The following XKR4 variants were observed in gnomAD, a reference collection of about 807,000 sequenced individuals.
The protein encoded by XKR4 is XK-related protein 4.
XKR4 carries 12 observed loss-of-function variants against 53.9 expected under a neutral mutation model. That is an observed-to-expected ratio of 0.22 (90% CI 0.14 to 0.36). XKR4 has a LOEUF of 0.36. Ranked by LOEUF, XKR4 falls within the 10% of genes least tolerant of loss-of-function variation. XKR4 has a pLI of 1.00. For missense variants in XKR4, 799 were observed against 859.5 expected (o/e 0.93, Z 0.88); for synonymous variants, 354 against 362.4 (o/e 0.98, Z 0.26).
chr8:55,419,237 T>C (rs192695106), intron 2 of XKR4, among the ~76,000 whole-genome samples: 1 of 152,116 alleles, frequency 6.6e-6, no homozygotes, highest in Non-Finnish European at 1.5e-5. Context: ...ATACAAAAAA[T>C]TAGCCGGAGT....
chr8:55,308,509 A>G (rs1166184227), intron 1 of XKR4, among the ~76,000 whole-genome samples: 1 of 152,142 alleles, frequency 6.6e-6, no homozygotes, highest in East Asian at 1.9e-4. Flanking sequence ...AGCATGGGGG[A>G]AACTGCCCCC....
At chr8:55,445,430 T>C (rs1805333675) in intron 2 of XKR4, among the ~76,000 whole-genome samples, 1 of 152,212 alleles carries the variant, frequency 6.6e-6, no homozygotes, top group Non-Finnish European at 1.5e-5. Flanking sequence ...CTTTGATTAT[T>C]TTATATGTAT....
intron 1 of XKR4, among the ~76,000 whole-genome samples, chr8:55,192,699 C>T (rs2129361170): frequency 6.6e-6 from 1 of 152,256 alleles, no homozygotes; most frequent in South Asian, 2.1e-4. Context: ...AGTGATTCCT[C>T]TGTCCATCTT....
At chr8:55,325,057 A>G (rs994030601) in intron 1 of XKR4, among the ~76,000 whole-genome samples, 1 of 152,248 alleles carries the variant, frequency 6.6e-6, no homozygotes, top group Non-Finnish European at 1.5e-5. Flanking sequence ...CTTTCAAAAG[A>G]TGGACCATGT....
chr8:55,473,856 G>A (rs185740058), intron 2 of XKR4, among the ~76,000 whole-genome samples: 3 of 145,680 alleles, frequency 2.1e-5, no homozygotes, highest in African/African-American at 5.1e-5. Flanking sequence ...CTTCCTTCCT[G>A]TCTCTCTCCC....
At chr8:55,481,326 G>A (rs957305242) in intron 2 of XKR4, among the ~76,000 whole-genome samples, 1 of 152,034 alleles carries the variant, frequency 6.6e-6, no homozygotes, top group African/African-American at 2.4e-5. Context: ...ATGGTGCTGG[G>A]AAAACTGGCT....
intron 1 of XKR4, among the ~76,000 whole-genome samples, chr8:55,312,310 T>A (rs112806715): frequency 3.9e-5 from 6 of 152,282 alleles, no homozygotes; most frequent in African/African-American, 1.4e-4. Flanking sequence ...ATAACAAAAA[T>A]TCATAGTTGC....
chr8:55,453,104 T>C (rs965964391), intron 2 of XKR4: 7 of 548,544 alleles, frequency 1.3e-5, no homozygotes, highest in Non-Finnish European at 2.2e-5. Flanking sequence ...AGGACCCAGA[T>C]ATGAGTCTGC....
chr8:55,131,163 A>AAACAACAACAAC (rs56967446), intron 1 of XKR4, among the ~76,000 whole-genome samples: 3,987 of 150,258 alleles, frequency 0.027, 79 homozygotes, highest in Non-Finnish European at 0.04. Context: ...GCTGTCTCAA[A>AAACAACAACAAC]AACAACAACA....
intron 1 of XKR4, among the ~76,000 whole-genome samples, chr8:55,202,190 TA>T (rs1817584646): frequency 6.6e-6 from 1 of 152,172 alleles, no homozygotes; most frequent in African/African-American, 2.4e-5. Context: ...ACCTGCCTTT[TA>T]AAAGTTGGTG....
chr8:55,368,687 A>G (rs1260937251), intron 2 of XKR4, among the ~76,000 whole-genome samples: 2 of 152,078 alleles, frequency 1.3e-5, no homozygotes, highest in Admixed American at 6.5e-5. Context: ...CATCACCTTT[A>G]CTAGAGTGTG....
chr8:55,105,363 C>T lies in XKR4; in HGVS notation c.806+2069C>T, dbSNP rs562206876. Among the ~76,000 whole-genome samples, 4 of 86,682 alleles carry T rather than the reference C, an allele frequency of 4.6e-5. No homozygotes were observed. In the South Asian group the frequency reaches 1.2e-3, roughly 26 times the overall value. The allele number at this position is 86,682 out of a possible 152,430, so 56.9% of individuals were successfully genotyped here. ...TTATTTCAGAGGTAGGGAGTGGGGG[C>T]GGGGAGAGAAGGGATGGAAGGGTAA... On this transcript the variant is annotated intron_variant, in intron 1 of 2. Transcript: ENST00000327381.
At chr8:55,125,260 C>A (rs569526453) in intron 1 of XKR4, among the ~76,000 whole-genome samples, 2 of 152,010 alleles carry the variant, frequency 1.3e-5, no homozygotes, top group Admixed American at 1.3e-4. Flanking sequence ...GATGGAGTTT[C>A]GCCCTTGTCA....
At chr8:55,326,426 T>C (rs1035103462) in intron 1 of XKR4, among the ~76,000 whole-genome samples, 1 of 151,700 alleles carries the variant, frequency 6.6e-6, no homozygotes, top group Non-Finnish European at 1.5e-5. Context: ...CTCTGGTTTG[T>C]AAGATATACT....
intron 1 of XKR4, among the ~76,000 whole-genome samples, chr8:55,257,177 G>A (rs1198515677): frequency 6.6e-6 from 1 of 152,134 alleles, no homozygotes; most frequent in Non-Finnish European, 1.5e-5. Flanking sequence ...GGAGGAAGCT[G>A]ATCCAAACAG....
intron 2 of XKR4, among the ~76,000 whole-genome samples, chr8:55,464,101 A>T (rs1158018100): frequency 2.0e-5 from 3 of 152,212 alleles, no homozygotes; most frequent in African/African-American, 7.2e-5. Context: ...ATAGAAAAAG[A>T]GGGAATCCTC....
chr8:55,132,515 T>A (rs1816570743), intron 1 of XKR4, among the ~76,000 whole-genome samples: 3 of 152,332 alleles, frequency 2.0e-5, no homozygotes, highest in Non-Finnish European at 2.9e-5. Context: ...AAGTTGTGAA[T>A]GTGATCTCTC....
At chr8:55,335,636 C>G (rs1450342539) in intron 1 of XKR4, among the ~76,000 whole-genome samples, 1 of 152,074 alleles carries the variant, frequency 6.6e-6, no homozygotes, top group East Asian at 1.9e-4. Flanking sequence ...ATATTTGTAG[C>G]AGTATATTCA....
chr8:55,521,540 T>TA (rs1806798003), intron 2 of XKR4, among the ~76,000 whole-genome samples: 1 of 152,148 alleles, frequency 6.6e-6, no homozygotes, highest in African/African-American at 2.4e-5. Context: ...TTACAGCAAT[T>TA]AAAGATTTTT....
Sources: gnomAD v4.1 joint callset for allele counts (sites outside exome capture counted in the v4.1 genomes callset) on GRCh38, gnomAD v4.1.1 for gene constraint, MANE v1.5 for transcripts, NCBI Gene and HGNC (gene_info 2026-07-23, HGNC 2026-07-21) for gene names.